CALCRL: variants seen among roughly 807,000 people sequenced by gnomAD.
CALCRL encodes calcitonin receptor like receptor.
In CALCRL, 27 loss-of-function variants were observed where a neutral mutation model predicts 60.4. The ratio of observed to expected loss-of-function variants is 0.45; its 90% CI spans 0.33 to 0.62. The LOEUF (loss-of-function observed/expected upper bound fraction) is 0.62. Among genes scored for constraint, CALCRL ranks in the 20% least tolerant of loss-of-function variants. The probability of loss-of-function intolerance (pLI) is 0.03; values close to 1 mark genes in which losing one functional copy is unlikely to be tolerated. For missense variants in CALCRL, 424 were observed against 540.7 expected (o/e 0.78, Z 2.14); for synonymous variants, 190 against 182.6 (o/e 1.04, Z -0.33).
At chr2:187,359,882 A>G (rs1339937982) in intron 10 of CALCRL, among the ~76,000 whole-genome samples, 1 of 151,926 alleles carries the variant, frequency 6.6e-6, no homozygotes, top group Non-Finnish European at 1.5e-5. Context: ...ACACCTCTGT[A>G]TATGTATTTC....
At chr2:187,421,274 T>C (rs1371568501) in intron 1 of CALCRL, among the ~76,000 whole-genome samples, 3 of 152,204 alleles carry the variant, frequency 2.0e-5, no homozygotes, top group Non-Finnish European at 4.4e-5. Flanking sequence ...TATATCTAAA[T>C]AATCTCTTCC....
chr2:187,360,715 G>A lies in CALCRL; in HGVS notation c.664C>T (p.Leu222=), dbSNP rs775418091. Residue 222 remains leucine (L), a synonymous_variant, in exon 10 of 15, where the codon CTG becomes TTG. Transcript: ENST00000392370. ...ATCCAAAAGTAATTACAGCCCATCA[G>A]GTAAAGATGAATGAACTGGGACACT... ...CKVSQFIHLY[L]MGCNYFWMLC... 5 of 1,611,882 alleles carry A rather than the reference G, an allele frequency of 3.1e-6. No homozygotes were observed. The highest frequency in any genetic ancestry group is 1.7e-5 in the Admixed American group (1 of 59,798).
At chr2:187,381,098 TA>T (rs1218585790) in intron 5 of CALCRL, among the ~76,000 whole-genome samples, 1 of 152,164 alleles carries the variant, frequency 6.6e-6, no homozygotes, top group African/African-American at 2.4e-5. Flanking sequence ...AGCCATAATG[TA>T]GTGATTAGCG....
chr2:187,379,183 T>A (rs1312594102), intron 7 of CALCRL, 152 bp from the exon 8 acceptor site: 1 of 454,932 alleles, frequency 2.2e-6, no homozygotes, highest in Non-Finnish European at 3.9e-6. Context: ...TACAAACCAA[T>A]AAATACTTGA....
In CALCRL at chr2:187,401,592, A is replaced by G. The variant is rs945389238; in HGVS notation, c.-292-13836T>C. ...TAGTTGAGGGAAAAGATCTATATAC[A>G]TACTTAGAAAATTTCCCTTAATTTT... On this transcript the variant is annotated intron_variant, in intron 1 of 14. Coordinates refer to ENST00000392370, the MANE Select transcript of CALCRL (RefSeq NM_005795.6). 2.6e-5 allele frequency among the ~76,000 whole-genome samples: 4 copies of G among 151,606 alleles called. No homozygotes were observed. In the Admixed American group the frequency reaches 2.6e-4, roughly 10 times the overall value.
intron 8 of CALCRL, among the ~76,000 whole-genome samples, chr2:187,377,947 GTA>G (rs972375346): frequency 4.0e-4 from 61 of 151,968 alleles, no homozygotes; most frequent in African/African-American, 1.2e-3. Context: ...AAAATTATAG[GTA>G]TATATATCTT....
At chr2:187,417,206 G>A (rs956182722) in intron 1 of CALCRL, among the ~76,000 whole-genome samples, 6 of 151,778 alleles carry the variant, frequency 4.0e-5, no homozygotes, top group African/African-American at 1.5e-4. Context: ...AAAACTAATT[G>A]ATGTTTCAAA....
rs149848239 is a variant in CALCRL at position 187,418,396 on chromosome 2, T to C, written c.-293+29643A>G. Among the ~76,000 whole-genome samples the C allele has an allele frequency of 1.2e-4, 19 of 152,334 alleles. No individual in the cohort carries two copies. The East Asian group carries it at 3.7e-3, about 29-fold the overall frequency. On this transcript the variant is annotated intron_variant, in intron 1 of 14. Coordinates refer to ENST00000392370, the MANE Select transcript of CALCRL (RefSeq NM_005795.6). Reference sequence around the variant, plus strand: ...TGTTTTTACTGGATCTATAAGTCAATATAAAATATTTATTTTTCTGTGTAC... The same window carrying C: ...TGTTTTTACTGGATCTATAAGTCAACATAAAATATTTATTTTTCTGTGTAC...
At position 187,343,358 on chromosome 2, in the gene CALCRL, C is replaced by T. The variant is rs1686159731; in HGVS notation, c.*2826G>A. 1 of 151,724 alleles carries T rather than the reference C, an allele frequency of 6.6e-6. No homozygotes were observed. The highest frequency in any genetic ancestry group is 2.4e-5 in the African/African-American group (1 of 41,362). The allele number at this position is 151,724 out of a possible 1,614,324, so 9.4% of individuals were successfully genotyped here. ...AAATAGAGATATACTCTAGGCATAA[C>T]ATAAATTGTTATAATTGATCAGAAT... On this transcript the variant is annotated 3_prime_UTR_variant, in exon 15 of 15. Transcript: ENST00000392370.
chr2:187,421,429 A>C (rs1689867318), intron 1 of CALCRL, among the ~76,000 whole-genome samples: 1 of 152,158 alleles, frequency 6.6e-6, no homozygotes, highest in Non-Finnish European at 1.5e-5. Context: ...TAAACTCTCT[A>C]AAGGGATGGT....
chr2:187,402,420 A>AGT (rs59396175), intron 1 of CALCRL, among the ~76,000 whole-genome samples: 1,665 of 148,500 alleles, frequency 0.011, 26 homozygotes, highest in East Asian at 0.055. Context: ...TATGTTTGTG[A>AGT]GTGTGTGTGT....
chr2:187,421,070 C>T (rs758172462), intron 1 of CALCRL, among the ~76,000 whole-genome samples: 2 of 152,154 alleles, frequency 1.3e-5, no homozygotes, highest in Admixed American at 6.5e-5. Flanking sequence ...AGACCTCCCA[C>T]GTGGAAGTAC....
intron 9 of CALCRL, 131 bp downstream of exon 9, chr2:187,363,245 A>AAT (rs536289979): frequency 3.0e-4 from 256 of 840,192 alleles, no homozygotes; most frequent in Non-Finnish European, 3.8e-4. Flanking sequence ...AAGACTTGAA[A>AAT]ATATATATAT....
chr2:187,442,124 A>G (rs1413585238), intron 1 of CALCRL: 1 of 147,492 alleles, frequency 6.8e-6, no homozygotes, highest in East Asian at 2.0e-4. Flanking sequence ...ACACATATAC[A>G]TATACATACA....
intron 1 of CALCRL, among the ~76,000 whole-genome samples, chr2:187,428,025 C>G (rs760983181): frequency 2.0e-5 from 3 of 152,118 alleles, no homozygotes; most frequent in Non-Finnish European, 4.4e-5. Context: ...AGGGCTGTTT[C>G]AGGGATCAAT....
At chr2:187,411,173 G>T (rs1374383929) in intron 1 of CALCRL, among the ~76,000 whole-genome samples, 1 of 151,902 alleles carries the variant, frequency 6.6e-6, no homozygotes, top group Non-Finnish European at 1.5e-5. Context: ...GAAATGTACT[G>T]AAAGCACATG....
chr2:187,396,095 C>T (rs2105812692), intron 1 of CALCRL, among the ~76,000 whole-genome samples: 1 of 151,450 alleles, frequency 6.6e-6, no homozygotes, highest in Middle Eastern at 3.4e-3. Flanking sequence ...TCTCCTACTA[C>T]CTAATAGCTC....
chr2:187,401,589 T>C (rs1688889367), intron 1 of CALCRL, among the ~76,000 whole-genome samples: 1 of 151,626 alleles, frequency 6.6e-6, no homozygotes, highest in Admixed American at 6.6e-5. Context: ...AAGATCTATA[T>C]ACATACTTAG....
intron 1 of CALCRL, among the ~76,000 whole-genome samples, chr2:187,397,261 G>C (rs1688701418): frequency 6.6e-6 from 1 of 151,344 alleles, no homozygotes; most frequent in South Asian, 2.1e-4. Context: ...CATGCATCTT[G>C]AGTTTTTTTT....
Sources: allele counts gnomAD v4.1 joint callset (sites outside exome capture counted in the v4.1 genomes callset), GRCh38; gene constraint gnomAD v4.1.1; transcripts MANE v1.5; gene names NCBI Gene and HGNC (gene_info 2026-07-23, HGNC 2026-07-21).